Variants in FAM120B observed in about 807,000 individuals in gnomAD.
The protein encoded by FAM120B is constitutive coactivator of peroxisome proliferator-activated receptor gamma.
In FAM120B, 83 loss-of-function variants were observed where a neutral mutation model predicts 96.3. That is an observed-to-expected ratio of 0.86 (90% confidence interval 0.72 to 1.03). FAM120B has a LOEUF of 1.03. Ranked by LOEUF, FAM120B falls within the 50% of genes least tolerant of loss-of-function variation. The pLI, the probability that FAM120B is intolerant of heterozygous loss-of-function variation, is 0.00. For missense variants in FAM120B, 1,027 were observed against 1,121.2 expected, an observed-to-expected ratio of 0.92 and a Z score of 1.20; for synonymous variants, 407 against 402.7, an observed-to-expected ratio of 1.01 and a Z score of -0.13.
At chr6:170,299,240 A>T (rs566597807) in intron 1 of FAM120B, among the ~76,000 whole-genome samples, 59 of 152,344 alleles carry the variant, frequency 3.9e-4, no homozygotes, top group African/African-American at 1.4e-3. Flanking sequence ...TTCAATTAAT[A>T]TAGGCTTACT....
upstream of FAM120B, chr6:170,290,910 G>A (rs1343598221): frequency 5.8e-6 from 4 of 694,850 alleles, no homozygotes; most frequent in Non-Finnish European, 1.0e-5. This position sits in a 1 kb window ranked among gnomAD's most constrained non-coding sequence, Gnocchi z 4.7. Context: ...GGGTCTCCGC[G>A]GGTGCGCGCA....
At chr6:170,357,747 C>T (rs141439454) in intron 5 of FAM120B, among the ~76,000 whole-genome samples, 2 of 152,336 alleles carry the variant, frequency 1.3e-5, no homozygotes, top group African/African-American at 4.8e-5. Flanking sequence ...CCCAGATGTT[C>T]TGCGGAGTTT....
chr6:170,401,657 C>T (rs1325566009), intron 9 of FAM120B, among the ~76,000 whole-genome samples: 1 of 152,210 alleles, frequency 6.6e-6, no homozygotes, highest in African/African-American at 2.4e-5. Context: ...AAAATTTATA[C>T]AGGCTGAGTA....
chr6:170,298,838 A>C (rs1784080595), intron 1 of FAM120B, among the ~76,000 whole-genome samples: 1 of 152,212 alleles, frequency 6.6e-6, no homozygotes, highest in South Asian at 2.1e-4. Context: ...CTCATTTCTC[A>C]GTGGCTAGAG....
intron 4 of FAM120B, among the ~76,000 whole-genome samples, chr6:170,336,529 C>G (rs1262099581): frequency 6.6e-6 from 1 of 152,034 alleles, no homozygotes; most frequent in Non-Finnish European, 1.5e-5. Flanking sequence ...CTTTTTGGTT[C>G]CATATGAAAT....
chr6:170,317,088 A>G (rs1234417921), intron 1 of FAM120B, among the ~76,000 whole-genome samples: 2 of 152,234 alleles, frequency 1.3e-5, no homozygotes, highest in Non-Finnish European at 2.9e-5. Flanking sequence ...GAATTTTATC[A>G]AGAAATACCT....
chr6:170,399,278 G>A (rs1187049123), intron 9 of FAM120B, among the ~76,000 whole-genome samples: 2 of 146,342 alleles, frequency 1.4e-5, no homozygotes, highest in Non-Finnish European at 3.0e-5. Context: ...ATAACTCTTA[G>A]TAGTGAGTGG....
chr6:170,395,406 C>A, intron 8 of FAM120B, 81 bp from the exon 9 acceptor site: 2 of 1,134,410 alleles, frequency 1.8e-6, no homozygotes, highest in Non-Finnish European at 2.6e-6. Context: ...CCTGGTGCTG[C>A]CTTGCCACCC....
chr6:170,325,316 A>C (rs1785520503), intron 3 of FAM120B, among the ~76,000 whole-genome samples: 1 of 152,122 alleles, frequency 6.6e-6, no homozygotes, highest in South Asian at 2.1e-4. Flanking sequence ...TCTAAAGTGC[A>C]TCTCTTTTAA....
chr6:170,355,025 G>C (rs954428527), intron 5 of FAM120B, among the ~76,000 whole-genome samples: 18 of 152,156 alleles, frequency 1.2e-4, no homozygotes, highest in African/African-American at 4.3e-4. Context: ...ACCACCATGA[G>C]ATACTATCTC....
At chr6:170,311,727 C>T (rs1461699371) in intron 1 of FAM120B, among the ~76,000 whole-genome samples, 15 of 152,218 alleles carry the variant, frequency 9.9e-5, no homozygotes, top group Admixed American at 9.2e-4. Flanking sequence ...AGCTCAGTGA[C>T]TACTCCAATG....
intron 6 of FAM120B, among the ~76,000 whole-genome samples, chr6:170,367,863 T>G (rs1485616989): frequency 1.3e-5 from 2 of 152,220 alleles, no homozygotes; most frequent in South Asian, 2.1e-4. Context: ...TGGTTCCACT[T>G]CCACCTAATT....
At chr6:170,317,085 A>C (rs1784946351) in intron 1 of FAM120B, among the ~76,000 whole-genome samples, 1 of 152,244 alleles carries the variant, frequency 6.6e-6, no homozygotes, top group Admixed American at 6.5e-5. Context: ...TTTGAATTTT[A>C]TCAAGAAATA....
chr6:170,394,043 G>C (rs886288400), intron 8 of FAM120B, among the ~76,000 whole-genome samples: 1 of 152,230 alleles, frequency 6.6e-6, no homozygotes, highest in Non-Finnish European at 1.5e-5. Context: ...TGGAGACCAC[G>C]TGTGTAAGAT....
chr6:170,378,077 G>T (rs1213662579), intron 6 of FAM120B, among the ~76,000 whole-genome samples: 1 of 152,322 alleles, frequency 6.6e-6, no homozygotes, highest in East Asian at 1.9e-4. Flanking sequence ...TTGGTTTAGA[G>T]TTTATATTTA....
chr6:170,357,371 G>T (rs573429110), intron 5 of FAM120B, among the ~76,000 whole-genome samples: 29 of 152,238 alleles, frequency 1.9e-4, no homozygotes, highest in African/African-American at 6.7e-4. Flanking sequence ...TGGACCGTCC[G>T]TGTCTTCCCC....
chr6:170,377,127 G>A (rs1480213969), intron 6 of FAM120B, among the ~76,000 whole-genome samples: 1 of 114,626 alleles, frequency 8.7e-6, no homozygotes, highest in African/African-American at 3.7e-5. Context: ...CAGATGCCTG[G>A]GAGAACACAG....
chr6:170,358,571 G>A (rs1197464883), intron 6 of FAM120B, among the ~76,000 whole-genome samples: 5 of 152,228 alleles, frequency 3.3e-5, no homozygotes, highest in African/African-American at 9.6e-5. Flanking sequence ...TTATAGGCTA[G>A]TGATTTGAAG....
chr6:170,368,302 A>G (rs541314883), intron 6 of FAM120B, among the ~76,000 whole-genome samples: 24 of 152,328 alleles, frequency 1.6e-4, no homozygotes, highest in Admixed American at 9.1e-4. Context: ...CTGTCTTCTC[A>G]CCAGACAGTG....
Sources: allele counts gnomAD v4.1 joint callset (sites outside exome capture counted in the v4.1 genomes callset), GRCh38; gene constraint gnomAD v4.1.1; non-coding constraint Gnocchi (gnomAD v3.1); transcripts MANE v1.5; gene names NCBI Gene and HGNC (gene_info 2026-07-23, HGNC 2026-07-21).